Variants in FARS2 observed in about 807,000 individuals in gnomAD.
FARS2 encodes phenylalanyl-tRNA synthetase 2, mitochondrial.
In FARS2, 40 loss-of-function variants were observed where a neutral mutation model predicts 46.4. That is an observed-to-expected ratio of 0.86 (90% confidence interval 0.67 to 1.12). FARS2 has a LOEUF of 1.12. Among genes scored for constraint, FARS2 ranks in the 50% most tolerant of loss-of-function variants. The pLI is 0.00. For missense variants in FARS2, 513 were observed against 567.9 expected, an observed-to-expected ratio of 0.90 and a Z score of 0.98; for synonymous variants, 234 against 214.9, an observed-to-expected ratio of 1.09 and a Z score of -0.78.
chr6:5,463,306 A>C (rs1289598876), intron 4 of FARS2, among the ~76,000 whole-genome samples: 5 of 152,312 alleles, frequency 3.3e-5, no homozygotes, highest in African/African-American at 9.6e-5. Context: ...TCATATGACG[A>C]TCTTGTATCT....
intron 4 of FARS2, among the ~76,000 whole-genome samples, chr6:5,530,640 G>A (rs1769762754): frequency 6.8e-6 from 1 of 146,718 alleles, no homozygotes; most frequent in Non-Finnish European, 1.5e-5. Context: ...TTAAATTATT[G>A]TAATATTTAA....
intron 6 of FARS2, among the ~76,000 whole-genome samples, chr6:5,758,130 G>A (rs796134122): frequency 1.3e-5 from 2 of 151,940 alleles, no homozygotes; most frequent in South Asian, 4.1e-4. Flanking sequence ...AAACATTCCA[G>A]CAACTTCTGA....
At chr6:5,618,350 C>G (rs950386148) in intron 6 of FARS2, among the ~76,000 whole-genome samples, 2 of 152,160 alleles carry the variant, frequency 1.3e-5, no homozygotes, top group African/African-American at 2.4e-5. Flanking sequence ...GTCTCCTGAC[C>G]TTGAACCTTG....
Position 5,688,097 on chromosome 6 carries a change from T to G in FARS2, c.1217+74777T>G, listed in dbSNP as rs561875209. ...GTTGCCTATCAGCTTAAGGAGATTT[T>G]GGGCTGAGACGATGGGATTTTCTAG... On this transcript the variant is annotated intron_variant, in intron 6 of 6. Coordinates refer to ENST00000274680, the MANE Select transcript of FARS2 (RefSeq NM_006567.5). Among the ~76,000 whole-genome samples, 5 of 152,352 alleles carry G rather than the reference T, an allele frequency of 3.3e-5. No homozygotes were observed. In the South Asian group the frequency reaches 1.0e-3, roughly 32 times the overall value.
chr6:5,430,448 G>C (rs1444253873), intron 3 of FARS2, among the ~76,000 whole-genome samples: 3 of 152,016 alleles, frequency 2.0e-5, no homozygotes, highest in African/African-American at 2.4e-5. Context: ...CTGGCATTTA[G>C]CATGTGCTTT....
intron 1 of FARS2, among the ~76,000 whole-genome samples, chr6:5,339,487 G>A (rs1312783073): frequency 6.6e-6 from 1 of 151,558 alleles, no homozygotes; most frequent in Non-Finnish European, 1.5e-5. Flanking sequence ...GGAGTGCAGT[G>A]GTAGAAACAC....
At chr6:5,403,021 TCCTG>T (rs148388075) in intron 2 of FARS2, among the ~76,000 whole-genome samples, 3,402 of 152,186 alleles carry the variant, frequency 0.022, 125 homozygotes, top group African/African-American at 0.077. Context: ...TGGCATTCCT[TCCTG>T]CCTGCCTGCC....
chr6:5,549,070 C>G (rs1771210338), intron 5 of FARS2, among the ~76,000 whole-genome samples: 1 of 151,968 alleles, frequency 6.6e-6, no homozygotes, highest in Non-Finnish European at 1.5e-5. Flanking sequence ...TTTTACAGTT[C>G]TAGAGGTCAG....
chr6:5,342,542 C>T lies in FARS2; in HGVS notation c.-21-26008C>T, dbSNP rs564940823. On this transcript the variant is annotated intron_variant, in intron 1 of 6. Transcript: ENST00000274680. ...CTGAGGTGGGTGGATCACCTGAGGT[C>T]GGGAGTTCGAGACCAGCCTGACCAA... is the stretch of plus-strand genomic sequence containing the variant. Among the ~76,000 whole-genome samples the T allele has an allele frequency of 1.4e-4, 21 of 152,072 alleles. No homozygotes were observed. The South Asian group carries it at 2.7e-3, about 20-fold the overall frequency.
At chr6:5,469,281 G>A (rs1415465118) in intron 4 of FARS2, among the ~76,000 whole-genome samples, 1 of 152,192 alleles carries the variant, frequency 6.6e-6, no homozygotes, top group Non-Finnish European at 1.5e-5. Context: ...CCTGTGCGTT[G>A]CTGCACTGCC....
chr6:5,309,064 T>C (rs951657125), intron 1 of FARS2, among the ~76,000 whole-genome samples: 8 of 152,280 alleles, frequency 5.3e-5, no homozygotes, highest in Admixed American at 2.6e-4. Flanking sequence ...AGAATTTCAA[T>C]ATATGAATTT....
intron 3 of FARS2, among the ~76,000 whole-genome samples, chr6:5,410,964 G>C (rs1001999906): frequency 6.6e-6 from 1 of 152,154 alleles, no homozygotes; most frequent in Non-Finnish European, 1.5e-5. Flanking sequence ...CACAGGGCTG[G>C]TAAGTATTTG....
intron 5 of FARS2, among the ~76,000 whole-genome samples, chr6:5,557,839 G>A (rs968993130): frequency 6.6e-6 from 1 of 152,106 alleles, no homozygotes; most frequent in Non-Finnish European, 1.5e-5. Flanking sequence ...CCTTTCATAG[G>A]ATAACTGGAT....
At chr6:5,722,621 G>C (rs1759984508) in intron 6 of FARS2, among the ~76,000 whole-genome samples, 1 of 152,216 alleles carries the variant, frequency 6.6e-6, no homozygotes, top group Admixed American at 6.5e-5. Context: ...GCATGGTGAG[G>C]AGGGGGAAGC....
chr6:5,360,515 A>C (rs1307381804), intron 1 of FARS2, among the ~76,000 whole-genome samples: 2 of 152,196 alleles, frequency 1.3e-5, no homozygotes. Context: ...CAACAAAGCT[A>C]ATGGGAGATA....
At chr6:5,575,611 C>G (rs1236823978) in intron 5 of FARS2, among the ~76,000 whole-genome samples, 1 of 152,174 alleles carries the variant, frequency 6.6e-6, no homozygotes, top group Non-Finnish European at 1.5e-5. Context: ...TCAGCTCTCC[C>G]CATAGTGTCC....
intron 2 of FARS2, among the ~76,000 whole-genome samples, chr6:5,370,570 C>G (rs1315969107): frequency 6.6e-6 from 1 of 152,120 alleles, no homozygotes; most frequent in Non-Finnish European, 1.5e-5. Flanking sequence ...GTCCAGGTCA[C>G]AGTAGCAGAC....
intron 6 of FARS2, among the ~76,000 whole-genome samples, chr6:5,716,333 T>TA (rs1759490203): frequency 6.6e-6 from 1 of 152,208 alleles, no homozygotes; most frequent in Non-Finnish European, 1.5e-5. Flanking sequence ...GGCCCACACT[T>TA]ACATTTGGTT....
chr6:5,474,888 G>A (rs187271867), intron 4 of FARS2, among the ~76,000 whole-genome samples: 1 of 152,196 alleles, frequency 6.6e-6, no homozygotes, highest in Non-Finnish European at 1.5e-5. Flanking sequence ...TTGAACTCCT[G>A]ACCTCGTGAT....
Sources: allele counts gnomAD v4.1 joint callset (sites outside exome capture counted in the v4.1 genomes callset), GRCh38; gene constraint gnomAD v4.1.1; transcripts MANE v1.5; gene names NCBI Gene and HGNC (gene_info 2026-07-23, HGNC 2026-07-21).